The following GADL1 variants were observed in gnomAD, a reference collection of about 807,000 sequenced individuals.
GADL1 encodes the protein GAD like acidic amino acid decarboxylase 1, also known as acidic amino acid decarboxylase GADL1.
Under a neutral mutation model 69.5 loss-of-function variants are expected in GADL1, and 71 were observed. The observed-to-expected ratio is 1.02, with a 90% CI of 0.84 to 1.25. The LOEUF (loss-of-function observed/expected upper bound fraction) is 1.25, where lower values mean the gene tolerates loss of function less well. Among genes scored for constraint, GADL1 ranks in the 50% most tolerant of loss-of-function variants. The pLI, the probability that GADL1 is intolerant of heterozygous loss-of-function variation, is 0.00. For synonymous variants in GADL1, 254 were observed against 214.4 expected (o/e 1.18, Z -1.62); for missense variants, 737 against 631.8 (o/e 1.17, Z -1.79).
At chr3:30,825,095 G>T (rs1697660892) in intron 11 of GADL1, among the ~76,000 whole-genome samples, 1 of 151,870 alleles carries the variant, frequency 6.6e-6, no homozygotes, top group East Asian at 1.9e-4. Flanking sequence ...AGGTATGTTT[G>T]CTGTGCAAGG....
At chr3:30,853,353 C>A (rs1236022784) in intron 4 of GADL1, among the ~76,000 whole-genome samples, 1 of 147,718 alleles carries the variant, frequency 6.8e-6, no homozygotes, top group African/African-American at 2.4e-5. Context: ...TTATAAAATT[C>A]TCAAGTGATT....
intron 12 of GADL1, among the ~76,000 whole-genome samples, chr3:30,797,418 AAC>A (rs1234662632): frequency 6.6e-6 from 1 of 152,202 alleles, no homozygotes; most frequent in Non-Finnish European, 1.5e-5. Context: ...AGTAAATAAT[AAC>A]TAAAACTTAA....
At chr3:30,754,149 AAT>A (rs1268714993) in intron 14 of GADL1, among the ~76,000 whole-genome samples, 1 of 152,170 alleles carries the variant, frequency 6.6e-6, no homozygotes, top group African/African-American at 2.4e-5. Flanking sequence ...TTTTAAGAAA[AAT>A]AGACAAGGTT....
At chr3:30,829,259 T>C (rs1697746412) in intron 11 of GADL1, among the ~76,000 whole-genome samples, 1 of 151,866 alleles carries the variant, frequency 6.6e-6, no homozygotes, top group African/African-American at 2.4e-5. Context: ...AGAGGATTAG[T>C]GATAGTACAA....
At chr3:30,815,822 T>A (rs1457341021) in intron 11 of GADL1, among the ~76,000 whole-genome samples, 3 of 152,302 alleles carry the variant, frequency 2.0e-5, no homozygotes, top group South Asian at 4.1e-4. Context: ...ACAGGGTTGA[T>A]CCATTACCTG....
chr3:30,802,624 TC>T (rs1465431947), intron 11 of GADL1, among the ~76,000 whole-genome samples: 1 of 152,224 alleles, frequency 6.6e-6, no homozygotes, highest in Non-Finnish European at 1.5e-5. Flanking sequence ...ATATCACATT[TC>T]AAATGAAAGC....
intron 14 of GADL1, among the ~76,000 whole-genome samples, chr3:30,766,824 T>C (rs1696292696): frequency 6.9e-6 from 1 of 144,162 alleles, no homozygotes; most frequent in Non-Finnish European, 1.5e-5. Flanking sequence ...CCCTGAATGA[T>C]CATAGACTTT....
intron 1 of GADL1, among the ~76,000 whole-genome samples, chr3:30,878,352 C>G (rs559275811): frequency 6.8e-4 from 104 of 151,980 alleles, no homozygotes; most frequent in African/African-American, 2.4e-3. Context: ...TCGTCCAGGA[C>G]CTTCATGGAA....
At chr3:30,770,000 C>T (rs1354412109) in intron 14 of GADL1, among the ~76,000 whole-genome samples, 1 of 152,216 alleles carries the variant, frequency 6.6e-6, no homozygotes, top group African/African-American at 2.4e-5. Context: ...AAAGGGTTCA[C>T]GTAATCATCT....
In GADL1 at chr3:30,767,562, G is replaced by A. The variant is rs185741746; in HGVS notation, c.1392+10617C>T. Among the ~76,000 whole-genome samples, 3 of 152,188 alleles carry A rather than the reference G, an allele frequency of 2.0e-5. 1 individual carries two copies. In the South Asian group the frequency reaches 6.2e-4, roughly 32 times the overall value. ...AATGATCAGGTTAGATTCATACTTT[G>A]CATGATACACTAAAATAACTTCTAC... On this transcript the variant is annotated intron_variant, in intron 14 of 14. Coordinates refer to ENST00000282538, the MANE Select transcript of GADL1 (RefSeq NM_207359.3).
In GADL1 at chr3:30,875,487, T is replaced by C. The variant is rs147067128; in HGVS notation, c.38-13722A>G. On this transcript the variant is annotated intron_variant, in intron 1 of 14. Transcript: ENST00000282538. ...ATAGGCAGACAAGACTGTTCAGTTA[T>C]GTTCTTGGTCCAGAGACCCCTAAAC... Among the ~76,000 whole-genome samples the C allele has an allele frequency of 1.3e-3, 201 of 152,032 alleles. 2 individuals are homozygous for C. Among genetic ancestry groups the C allele is most frequent in the African/African-American group, 4.6e-3 (191 of 41,532 alleles).
intron 14 of GADL1, among the ~76,000 whole-genome samples, chr3:30,753,648 C>A (rs539081637): frequency 5.9e-5 from 9 of 152,062 alleles, no homozygotes; most frequent in African/African-American, 1.7e-4. Flanking sequence ...TGTTTACTTG[C>A]GGGATGTGGC....
intron 14 of GADL1, among the ~76,000 whole-genome samples, chr3:30,776,372 T>G (rs2125495081): frequency 6.6e-6 from 1 of 152,348 alleles, no homozygotes; most frequent in South Asian, 2.1e-4. Context: ...TCCTCTAAAC[T>G]TCACCACTAA....
chr3:30,882,131 T>G (rs1698651625), intron 1 of GADL1, among the ~76,000 whole-genome samples: 1 of 138,778 alleles, frequency 7.2e-6, no homozygotes, highest in Non-Finnish European at 1.5e-5. Flanking sequence ...AAAATATTTA[T>G]TTTTTTTAAT....
chr3:30,840,068 A>G (rs1321669318), intron 8 of GADL1, among the ~76,000 whole-genome samples: 2 of 146,234 alleles, frequency 1.4e-5, no homozygotes, highest in Admixed American at 1.3e-4. Flanking sequence ...GCACCTGAGA[A>G]ATAGACAAGA....
At chr3:30,773,511 T>C (rs113551869) in intron 14 of GADL1, among the ~76,000 whole-genome samples, 51 of 152,330 alleles carry the variant, frequency 3.3e-4, no homozygotes, top group African/African-American at 1.1e-3. Context: ...GCACCTCTTA[T>C]GCACCCTTAA....
intron 4 of GADL1, among the ~76,000 whole-genome samples, chr3:30,853,107 C>T (rs754481031): frequency 7.2e-5 from 11 of 152,190 alleles, no homozygotes; most frequent in East Asian, 3.9e-4. Context: ...CTTCTATTCT[C>T]GCCATTGTAA....
chr3:30,793,075 C>T (rs1474148088), intron 12 of GADL1, among the ~76,000 whole-genome samples: 1 of 152,086 alleles, frequency 6.6e-6, no homozygotes, highest in Non-Finnish European at 1.5e-5. Flanking sequence ...CTTCGAATCT[C>T]TAGGAGAGGA....
At chr3:30,764,923 C>G (rs1461017139) in intron 14 of GADL1, among the ~76,000 whole-genome samples, 1 of 123,642 alleles carries the variant, frequency 8.1e-6, no homozygotes, top group Non-Finnish European at 1.8e-5. Flanking sequence ...ATTTCTAGAA[C>G]ATCCTGCAAA....
Sources: allele counts gnomAD v4.1 joint callset (sites outside exome capture counted in the v4.1 genomes callset), GRCh38; gene constraint gnomAD v4.1.1; transcripts MANE v1.5; gene names NCBI Gene and HGNC (gene_info 2026-07-23, HGNC 2026-07-21).